The following NOL10 variants were observed in gnomAD, a reference collection of about 807,000 sequenced individuals.
The protein encoded by NOL10 is nucleolar protein 10, also known as H_NH0074G24.1.
In NOL10, 58 loss-of-function variants were observed where a neutral mutation model predicts 103.5. That is an observed-to-expected ratio of 0.56 (90% confidence interval 0.45 to 0.70). The LOEUF is 0.70. Among genes scored for constraint, NOL10 ranks in the 30% least tolerant of loss-of-function variants. NOL10 has a pLI of 0.00. For synonymous variants in NOL10, 287 were observed against 282.5 expected (o/e 1.02, Z -0.16); for missense variants, 763 against 807.3 (o/e 0.95, Z 0.67).
chr2:10,600,292 T>C (rs1348752105), intron 17 of NOL10, among the ~76,000 whole-genome samples: 1 of 152,224 alleles, frequency 6.6e-6, no homozygotes, highest in Middle Eastern at 3.2e-3. Flanking sequence ...GACTGATCTT[T>C]GTCTATTTTC....
intron 15 of NOL10, 40 bp downstream of exon 15, chr2:10,603,038 T>A: frequency 1.3e-6 from 2 of 1,492,624 alleles, no homozygotes; most frequent in Non-Finnish European, 1.8e-6. Flanking sequence ...AGACTGCGCA[T>A]TAGTTACCTG....
At position 10,659,345 on chromosome 2, in the gene NOL10, G is replaced by T. The variant is rs985274366; in HGVS notation, c.678-95C>A. The T allele has an allele frequency of 6.0e-4, 214 of 353,768 alleles. 16 individuals carry two copies. The East Asian group carries it at 0.014, about 23-fold the overall frequency. 21.9% of individuals were successfully genotyped at this position (353,768 alleles called of 1,614,324 possible). ...TAGTCTTCACTTCAAATCTAATGGGGGGGGGGGGGAGGAATCACATTTCTA... is the reference window on the plus strand; with the variant it reads ...TAGTCTTCACTTCAAATCTAATGGGTGGGGGGGGGAGGAATCACATTTCTA... On this transcript the variant is annotated intron_variant, in intron 9 of 20. Transcript: ENST00000381685.
chr2:10,663,114 C>A (rs1680314879), intron 8 of NOL10, 70 bp from the exon 9 acceptor site: 7 of 1,316,654 alleles, frequency 5.3e-6, no homozygotes, highest in Non-Finnish European at 7.6e-6. Context: ...TGCCTGTAAT[C>A]CCAGCACTTT....
chr2:10,681,388 C>T (rs953445282), intron 3 of NOL10, among the ~76,000 whole-genome samples: 2 of 151,740 alleles, frequency 1.3e-5, no homozygotes, highest in Admixed American at 1.3e-4. Context: ...CAGTGTATGA[C>T]TACATTTATA....
intron 19 of NOL10, 138 bp downstream of exon 19, chr2:10,588,905 C>CT: frequency 7.6e-7 from 1 of 1,314,694 alleles, no homozygotes; most frequent in Non-Finnish European, 1.0e-6. Context: ...GCCTTACCTC[C>CT]CCTGCTTCCC....
At chr2:10,676,537 ATAAAG>A (rs1261430963) in intron 3 of NOL10, among the ~76,000 whole-genome samples, 3 of 152,218 alleles carry the variant, frequency 2.0e-5, no homozygotes, top group Admixed American at 1.3e-4. Context: ...AAAACGTACT[ATAAAG>A]TAAAAGTACA....
At chr2:10,595,982 T>C (rs552874062) in intron 17 of NOL10, among the ~76,000 whole-genome samples, 2 of 152,152 alleles carry the variant, frequency 1.3e-5, no homozygotes, top group Non-Finnish European at 2.9e-5. Context: ...AAAACAAAAA[T>C]TTTAATTGAT....
At chr2:10,643,600 T>C (rs1408440765) in intron 13 of NOL10, among the ~76,000 whole-genome samples, 7 of 152,194 alleles carry the variant, frequency 4.6e-5, no homozygotes, top group Admixed American at 1.3e-4. Context: ...AAACTACATG[T>C]CATCCCTGAT....
At chr2:10,646,584 C>T (rs144137145) in intron 12 of NOL10, among the ~76,000 whole-genome samples, 188 of 152,328 alleles carry the variant, frequency 1.2e-3, no homozygotes, top group Middle Eastern at 0.01. Flanking sequence ...TGAGCAGCTT[C>T]TAACAGGCAG....
chr2:10,667,170 T>C (rs1196108154), intron 8 of NOL10, 48 bp downstream of exon 8: 1 of 1,388,820 alleles, frequency 7.2e-7, no homozygotes, highest in South Asian at 1.2e-5. Flanking sequence ...AAAATTCCAA[T>C]CAAATATAAA....
At chr2:10,583,151 C>T (rs752400234) in intron 19 of NOL10, among the ~76,000 whole-genome samples, 4 of 152,188 alleles carry the variant, frequency 2.6e-5, no homozygotes, top group Non-Finnish European at 4.4e-5. Flanking sequence ...TTGACAACTC[C>T]AGTATCTTTA....
chr2:10,632,118 A>G (rs1201118279), intron 13 of NOL10, among the ~76,000 whole-genome samples: 1 of 152,216 alleles, frequency 6.6e-6, no homozygotes, highest in East Asian at 1.9e-4. Context: ...AAATTGCAGT[A>G]ATCAGGTCAC....
intron 14 of NOL10, among the ~76,000 whole-genome samples, chr2:10,604,471 T>C (rs754636449): frequency 4.6e-5 from 7 of 152,204 alleles, no homozygotes; most frequent in South Asian, 2.1e-4. Flanking sequence ...AATACTGTCA[T>C]AGAATTCATT....
chr2:10,652,892 T>C (rs890919665), intron 12 of NOL10, among the ~76,000 whole-genome samples: 4 of 152,112 alleles, frequency 2.6e-5, no homozygotes, highest in African/African-American at 9.7e-5. Context: ...CACCGGGAAG[T>C]GTGTTAAAAA....
rs1189193821 is a variant in NOL10, at chr2:10,671,819, G to A, written c.328-129C>T. The A allele has an allele frequency of 2.2e-5, 14 of 624,032 alleles. No homozygotes were observed. The East Asian group carries it at 2.6e-4, about 12-fold the overall frequency. 38.7% of individuals were successfully genotyped at this position (624,032 alleles called of 1,614,324 possible). A position where few individuals can be genotyped will look rare whatever the true frequency, so the allele number is the denominator to read the frequency against. ...TCACTTTCTGTATCTAAACACACAT[G>A]TCCATGCACACACACTCCACTGGGA... On this transcript the variant is annotated intron_variant, in intron 5 of 20. Transcript: ENST00000381685.
chr2:10,575,801 C>T (rs1674423066), intron 20 of NOL10, among the ~76,000 whole-genome samples: 1 of 152,134 alleles, frequency 6.6e-6, no homozygotes, highest in Non-Finnish European at 1.5e-5. Context: ...CCCCATTTGA[C>T]ATCACTTGAG....
chr2:10,612,558 A>C (rs1466525546), intron 13 of NOL10, among the ~76,000 whole-genome samples: 1 of 152,168 alleles, frequency 6.6e-6, no homozygotes, highest in Admixed American at 6.5e-5. Context: ...GCTGGAGTAC[A>C]GTGGCGTGAT....
At chr2:10,623,903 T>C (rs1247581589) in intron 13 of NOL10, among the ~76,000 whole-genome samples, 2 of 152,194 alleles carry the variant, frequency 1.3e-5, no homozygotes, top group East Asian at 3.8e-4. Flanking sequence ...CACCAAATGC[T>C]GACGAGCATG....
intron 1 of NOL10, among the ~76,000 whole-genome samples, chr2:10,686,059 CAA>C (rs1221027503): frequency 2.2e-5 from 3 of 136,682 alleles, no homozygotes; most frequent in Non-Finnish European, 1.6e-5. Flanking sequence ...AAACCTGTTT[CAA>C]AAAAAAAAAA....
Sources: allele counts gnomAD v4.1 joint callset (sites outside exome capture counted in the v4.1 genomes callset), GRCh38; gene constraint gnomAD v4.1.1; transcripts MANE v1.5; gene names NCBI Gene and HGNC (gene_info 2026-07-23, HGNC 2026-07-21).